The following TAB1 variants were observed in gnomAD, a reference collection of about 807,000 sequenced individuals.
The protein encoded by TAB1 is TGF-beta activated kinase 1 (MAP3K7) binding protein 1.
TAB1 carries 30 observed loss-of-function variants against 54.5 expected under a neutral mutation model. The ratio of observed to expected loss-of-function variants is 0.55; its 90% CI spans 0.41 to 0.75. The LOEUF is 0.75. Among genes scored for constraint, TAB1 ranks in the 30% least tolerant of loss-of-function variants. The pLI is 0.00. For synonymous variants in TAB1, 289 were observed against 286.9 expected (o/e 1.01, Z -0.07); for missense variants, 609 against 683.2 (o/e 0.89, Z 1.21).
chr22:39,434,636 G>A (rs968030956), downstream of TAB1, among the ~76,000 whole-genome samples: 1 of 152,244 alleles, frequency 6.6e-6, no homozygotes, highest in Non-Finnish European at 1.5e-5. Context: ...CAGACACAGT[G>A]TCTGACAGCT....
intron 9 of TAB1, 61 bp from the exon 10 acceptor site, chr22:39,427,960 C>T (rs566952145): frequency 1.4e-6 from 2 of 1,459,460 alleles, no homozygotes; most frequent in Non-Finnish European, 1.9e-6. Flanking sequence ...CAGCTATGCC[C>T]CTGCTACCCT....
At chr22:39,404,324 C>T (rs1304796921) in intron 1 of TAB1, among the ~76,000 whole-genome samples, 1 of 152,138 alleles carries the variant, frequency 6.6e-6, no homozygotes, top group Non-Finnish European at 1.5e-5. Flanking sequence ...TGGCTCATGC[C>T]TGGAATCCCA....
At chr22:39,422,315 C>T in intron 8 of TAB1, among the ~76,000 whole-genome samples, 1 of 151,960 alleles carries the variant, frequency 6.6e-6, no homozygotes, top group South Asian at 2.1e-4. Flanking sequence ...CAGAGTCCTT[C>T]CCACACCCAT....
intron 1 of TAB1, among the ~76,000 whole-genome samples, chr22:39,402,326 G>T (rs999939004): frequency 2.0e-5 from 3 of 151,992 alleles, no homozygotes; most frequent in African/African-American, 7.2e-5. Flanking sequence ...AAGGACAGGT[G>T]TTTAAATATG....
intron 1 of TAB1, among the ~76,000 whole-genome samples, chr22:39,408,328 C>T (rs1190983899): frequency 6.6e-6 from 1 of 152,178 alleles, no homozygotes; most frequent in East Asian, 1.9e-4. Context: ...AAATACAGCA[C>T]AGCATACAGT....
intron 1 of TAB1, among the ~76,000 whole-genome samples, chr22:39,412,406 A>AG (rs1199890156): frequency 1.3e-5 from 2 of 152,118 alleles, no homozygotes; most frequent in Non-Finnish European, 2.9e-5. Context: ...GGATTAGGGG[A>AG]GGGAGTGCGT....
chr22:39,420,593 G>A (rs1460630119), intron 7 of TAB1, among the ~76,000 whole-genome samples: 1 of 152,140 alleles, frequency 6.6e-6, no homozygotes, highest in Non-Finnish European at 1.5e-5. Flanking sequence ...GTGGGGTCCT[G>A]TTTCCTTTAT....
At chr22:39,433,044 G>A, downstream of TAB1, 5 of 985,462 alleles carry the variant, frequency 5.1e-6, no homozygotes, top group Non-Finnish European at 6.0e-6. Flanking sequence ...GTGGGCCAAA[G>A]TGGCCCTCTC....
In TAB1 at chr22:39,430,725, G is replaced by C; in HGVS notation, c.*503G>C. On this transcript the variant is annotated 3_prime_UTR_variant, in exon 11 of 11. Coordinates refer to ENST00000216160, the MANE Select transcript of TAB1 (RefSeq NM_006116.3). ...CAGAGTGGAACCCAGGCTGGTGTCCGCATCTGTCCCTGGGCCCCACCCCTG... is the reference window on the plus strand; with the variant it reads ...CAGAGTGGAACCCAGGCTGGTGTCCCCATCTGTCCCTGGGCCCCACCCCTG... 9.8e-7 allele frequency: 1 copy of C among 1,024,292 alleles called. No homozygotes were observed. Among genetic ancestry groups the C allele is most frequent in the Non-Finnish European group, 1.2e-6 (1 of 851,374 alleles). 63.5% of individuals were successfully genotyped at this position (1,024,292 alleles called of 1,614,324 possible). A position where few individuals can be genotyped will look rare whatever the true frequency, so the allele number is the denominator to read the frequency against.
rs528922659 is a variant in TAB1, at chr22:39,408,522, G to A, written c.34-6484G>A. Among the ~76,000 whole-genome samples the A allele has an allele frequency of 1.2e-4, 18 of 152,204 alleles. No individual in the cohort carries two copies. The South Asian group carries it at 2.1e-3, about 18-fold the overall frequency. On this transcript the variant is annotated intron_variant, in intron 1 of 10. Transcript: ENST00000216160. ...TGTTTTTGTTTTTGTTTTTTGAGAC[G>A]GAGTCTCGCTCTGTCATCCAGGCTG...
intron 1 of TAB1, among the ~76,000 whole-genome samples, chr22:39,402,708 A>G (rs1926200457): frequency 6.6e-6 from 1 of 151,968 alleles, no homozygotes; most frequent in Non-Finnish European, 1.5e-5. Context: ...GTGCACCACC[A>G]CACCAGCTAA....
Position 39,431,351 on chromosome 22 carries a change from G to A in TAB1, c.*1129G>A, listed in dbSNP as rs1051852603. 25 of 985,416 alleles carry A rather than the reference G, an allele frequency of 2.5e-5. No homozygotes were observed. The highest frequency in any genetic ancestry group is 2.8e-5 in the Non-Finnish European group (23 of 830,040). 61.0% of individuals were successfully genotyped at this position (985,416 alleles called of 1,614,324 possible). On this transcript the variant is annotated 3_prime_UTR_variant, in exon 11 of 11. Transcript: ENST00000216160. The stretch of plus-strand genomic sequence containing the variant: ...ACTCCTGTTTCAGAGGAAGCAGGCC[G>A]AGAGACTTGCACCTTGGCCAAGCCA...
chr22:39,428,987 G>A, intron 10 of TAB1: 2 of 864,122 alleles, frequency 2.3e-6, no homozygotes, highest in Non-Finnish European at 2.8e-6. Flanking sequence ...AGTGCAGTAG[G>A]GGTGGCCTCT....
intron 1 of TAB1, among the ~76,000 whole-genome samples, chr22:39,414,350 A>G (rs1002425818): frequency 8.5e-5 from 13 of 152,180 alleles, no homozygotes; most frequent in Non-Finnish European, 1.5e-4. Context: ...ATGGGAGAGG[A>G]CATCGGGGTG....
downstream of TAB1, chr22:39,432,811 C>G: frequency 1.0e-6 from 1 of 985,654 alleles, no homozygotes; most frequent in African/African-American, 1.7e-5. Context: ...TGTCCCCTGT[C>G]CCCAGCCTTG....
chr22:39,433,621 G>A, downstream of TAB1: 1 of 985,380 alleles, frequency 1.0e-6, no homozygotes, highest in Non-Finnish European at 1.2e-6. Context: ...TCCTGGTCTG[G>A]TCGTCTCATT....
In TAB1 at chr22:39,430,348, G is replaced by A. The variant is rs1927533675; in HGVS notation, c.*126G>A. On this transcript the variant is annotated 3_prime_UTR_variant, in exon 11 of 11. Coordinates refer to ENST00000216160, the MANE Select transcript of TAB1 (RefSeq NM_006116.3). ...CCATCCTCTGCCCACAGCAGACTCT[G>A]TCCCATGGCTCTCCGGGCAGTAGAG... The A allele has an allele frequency of 1.4e-5, 21 of 1,512,450 alleles. No individual in the cohort carries two copies. The highest frequency in any genetic ancestry group is 1.9e-5 in the Non-Finnish European group (21 of 1,133,074). The allele number at this position is 1,512,450 out of a possible 1,614,324, so 93.7% of individuals were successfully genotyped here.
intron 1 of TAB1, among the ~76,000 whole-genome samples, chr22:39,405,056 CTTTT>C (rs900397149): frequency 2.0e-4 from 30 of 151,834 alleles, no homozygotes; most frequent in African/African-American, 7.0e-4. Flanking sequence ...AATGTGGGTG[CTTTT>C]ACCACAAAAA....
At chr22:39,426,143 G>A (rs549682363) in intron 8 of TAB1, among the ~76,000 whole-genome samples, 1 of 152,372 alleles carries the variant, frequency 6.6e-6, no homozygotes, top group Admixed American at 6.5e-5. Context: ...ACAGGCGCAA[G>A]CCACTGTGCC....
Sources: allele counts gnomAD v4.1 joint callset (sites outside exome capture counted in the v4.1 genomes callset), GRCh38; gene constraint gnomAD v4.1.1; transcripts MANE v1.5; gene names NCBI Gene and HGNC (gene_info 2026-07-23, HGNC 2026-07-21).